The following PRDM5 variants were observed in gnomAD, a reference collection of about 807,000 sequenced individuals.
PRDM5 encodes the protein PR/SET domain 5.
PRDM5 carries 56 observed loss-of-function variants against 81.2 expected under a neutral mutation model. The ratio of observed to expected loss-of-function variants is 0.69; its 90% CI spans 0.56 to 0.86. PRDM5 has a LOEUF of 0.86. PRDM5 is among the 40% of genes least tolerant of loss of function. The pLI, the probability that PRDM5 is intolerant of heterozygous loss-of-function variation, is 0.00. For synonymous variants in PRDM5, 267 were observed against 256.4 expected, an observed-to-expected ratio of 1.04 and a Z score of -0.39; for missense variants, 697 against 770.1, an observed-to-expected ratio of 0.91 and a Z score of 1.12.
intron 8 of PRDM5, among the ~76,000 whole-genome samples, chr4:120,802,465 C>A (rs967789200): frequency 6.6e-6 from 1 of 152,208 alleles, no homozygotes; most frequent in African/African-American, 2.4e-5. Context: ...CCAATAGGGG[C>A]AGACTGACAC....
chr4:120,772,282 T>C (rs1418533415), intron 13 of PRDM5, among the ~76,000 whole-genome samples: 1 of 152,230 alleles, frequency 6.6e-6, no homozygotes, highest in African/African-American at 2.4e-5. Flanking sequence ...GGATGATCTT[T>C]TATCAAATTT....
intron 11 of PRDM5, among the ~76,000 whole-genome samples, chr4:120,783,129 G>A (rs1027360044): frequency 1.3e-5 from 2 of 152,070 alleles, no homozygotes; most frequent in Non-Finnish European, 2.9e-5. Flanking sequence ...TCTAACAACA[G>A]CTTTCATATT....
chr4:120,865,494 C>G (rs188789239), intron 2 of PRDM5, among the ~76,000 whole-genome samples: 170 of 152,262 alleles, frequency 1.1e-3, no homozygotes, highest in African/African-American at 1.8e-3. Flanking sequence ...CCCAACCAAG[C>G]CTTTAAGTGA....
intron 3 of PRDM5, among the ~76,000 whole-genome samples, chr4:120,848,899 A>C (rs1418299766): frequency 6.6e-6 from 1 of 152,162 alleles, no homozygotes. Context: ...TAAAAGATAG[A>C]TCTGTAAGTT....
chr4:120,793,942 TA>T (rs150096829), intron 10 of PRDM5, among the ~76,000 whole-genome samples: 92 of 151,880 alleles, frequency 6.1e-4, no homozygotes, highest in Non-Finnish European at 1.1e-3. Flanking sequence ...CTTCAATAAA[TA>T]AAAAAATAAG....
chr4:120,768,048 C>A (rs1173932102), intron 13 of PRDM5, among the ~76,000 whole-genome samples: 2 of 152,128 alleles, frequency 1.3e-5, no homozygotes, highest in African/African-American at 4.8e-5. Flanking sequence ...TTGGGTATAT[C>A]TTTAATAGCA....
At chr4:120,854,954 G>C (rs1049619205) in intron 2 of PRDM5, among the ~76,000 whole-genome samples, 31 of 152,050 alleles carry the variant, frequency 2.0e-4, no homozygotes, top group Admixed American at 2.0e-3. Flanking sequence ...AAGGTTATGA[G>C]GCTGGAACAG....
At chr4:120,819,299 T>C (rs1197434375) in intron 4 of PRDM5, among the ~76,000 whole-genome samples, 2 of 152,220 alleles carry the variant, frequency 1.3e-5, no homozygotes, top group Non-Finnish European at 2.9e-5. Flanking sequence ...GGCATATTTT[T>C]AAACTTAAAG....
At chr4:120,707,558 G>GA (rs979161078) in intron 15 of PRDM5, among the ~76,000 whole-genome samples, 3 of 147,726 alleles carry the variant, frequency 2.0e-5, no homozygotes, top group East Asian at 2.0e-4. Flanking sequence ...GACTCTTAGA[G>GA]AAAAAAAACA....
intron 3 of PRDM5, among the ~76,000 whole-genome samples, chr4:120,840,609 A>G (rs994268849): frequency 6.6e-6 from 1 of 151,696 alleles, no homozygotes; most frequent in African/African-American, 2.4e-5. Flanking sequence ...CCTTCCCCCC[A>G]TGGGCAAGCA....
intron 2 of PRDM5, among the ~76,000 whole-genome samples, chr4:120,863,191 T>TACACACACACACACAC (rs370387683): frequency 0.047 from 3,310 of 69,918 alleles, 172 homozygotes; most frequent in Non-Finnish European, 0.07. Flanking sequence ...TATATATATA[T>TACACACACACACACAC]ACACACACAC....
At chr4:120,901,508 T>C (rs1765223967) in intron 2 of PRDM5, among the ~76,000 whole-genome samples, 1 of 152,134 alleles carries the variant, frequency 6.6e-6, no homozygotes, top group African/African-American at 2.4e-5. Context: ...CTGCTGCAGG[T>C]GACGCACACG....
intron 1 of PRDM5, among the ~76,000 whole-genome samples, chr4:120,917,586 TAG>T (rs1724336177): frequency 6.6e-6 from 1 of 151,764 alleles, no homozygotes; most frequent in Non-Finnish European, 1.5e-5. Flanking sequence ...TCTTGGCATA[TAG>T]AGTGATAAAG....
chr4:120,913,277 G>A (rs1456456834), intron 1 of PRDM5, among the ~76,000 whole-genome samples: 1 of 152,200 alleles, frequency 6.6e-6, no homozygotes, highest in Non-Finnish European at 1.5e-5. Flanking sequence ...CATGATAGCT[G>A]GGGCTGAAGC....
At chr4:120,915,126 G>T (rs1723973417) in intron 1 of PRDM5, among the ~76,000 whole-genome samples, 1 of 152,042 alleles carries the variant, frequency 6.6e-6, no homozygotes, top group African/African-American at 2.4e-5. Flanking sequence ...AAAACCACTT[G>T]TACCCCTAAA....
intron 1 of PRDM5, among the ~76,000 whole-genome samples, chr4:120,915,946 G>A (rs963587580): frequency 3.9e-5 from 6 of 152,114 alleles, no homozygotes; most frequent in South Asian, 4.1e-4. Flanking sequence ...ATAACACAGC[G>A]AAGTCCACTG....
chr4:120,740,805 T>G (rs906575884), intron 14 of PRDM5, among the ~76,000 whole-genome samples: 1 of 152,182 alleles, frequency 6.6e-6, no homozygotes, highest in Non-Finnish European at 1.5e-5. Context: ...GAACTGATAA[T>G]GTCACTCCTC....
At chr4:120,897,834 C>A (rs1035933267) in intron 2 of PRDM5, among the ~76,000 whole-genome samples, 3 of 152,166 alleles carry the variant, frequency 2.0e-5, no homozygotes, top group Admixed American at 2.0e-4. Context: ...ATCTCTTCCT[C>A]TTTTTGTCTC....
chr4:120,867,907 A>G (rs2148524657), intron 2 of PRDM5, among the ~76,000 whole-genome samples: 1 of 152,332 alleles, frequency 6.6e-6, no homozygotes, highest in East Asian at 1.9e-4. Flanking sequence ...AGCAAACTGG[A>G]CCCAACTTCA....
Sources: allele counts gnomAD v4.1 joint callset (sites outside exome capture counted in the v4.1 genomes callset), GRCh38; gene constraint gnomAD v4.1.1; transcripts MANE v1.5; gene names NCBI Gene and HGNC (gene_info 2026-07-23, HGNC 2026-07-21).